SEC14L5: variants seen among roughly 807,000 people sequenced by gnomAD.
SEC14L5 encodes the protein SEC14-like protein 5.
Under a neutral mutation model 84.6 loss-of-function variants are expected in SEC14L5, and 96 were observed. The observed-to-expected ratio is 1.13, with a 90% CI of 0.96 to 1.34. SEC14L5 has a LOEUF of 1.34. SEC14L5 is among the 40% of genes most tolerant of loss of function. The pLI is 0.00. For missense variants in SEC14L5, 1,224 were observed against 942.5 expected (o/e 1.30, Z -3.91); for synonymous variants, 546 against 383.4 (o/e 1.42, Z -4.95).
chr16:5,004,018 C>G (rs1268523995), intron 11 of SEC14L5, among the ~76,000 whole-genome samples: 1 of 152,268 alleles, frequency 6.6e-6, no homozygotes, highest in Non-Finnish European at 1.5e-5. Flanking sequence ...ACACACTCCT[C>G]TGAAACAAGG....
chr16:4,990,674 C>T lies in SEC14L5; in HGVS notation c.346-93C>T, dbSNP rs867858814. ...GGCTTGATCTGCTTTCCACTGCAGGCTCTGCCTGGGCCCAGGTCAGTGGGA... is the reference window on the plus strand; with the variant it reads ...GGCTTGATCTGCTTTCCACTGCAGGTTCTGCCTGGGCCCAGGTCAGTGGGA... On this transcript the variant is annotated intron_variant, in intron 4 of 15. Coordinates refer to ENST00000251170, the MANE Select transcript of SEC14L5 (RefSeq NM_014692.2). 9.3e-6 allele frequency: 12 copies of T among 1,288,610 alleles called. No homozygotes were observed. The Middle Eastern group carries it at 8.4e-4, about 91-fold the overall frequency. 79.8% of individuals were successfully genotyped at this position (1,288,610 alleles called of 1,614,324 possible). A position where few individuals can be genotyped will look rare whatever the true frequency, so the allele number is the denominator to read the frequency against.
intron 6 of SEC14L5, 100 bp downstream of exon 6, chr16:4,992,130 TC>T (rs1200558150): frequency 1.6e-5 from 13 of 817,242 alleles, no homozygotes; most frequent in South Asian, 3.9e-5. Context: ...TTGCCTGCCG[TC>T]CCCCCTGGGA....
intron 2 of SEC14L5, among the ~76,000 whole-genome samples, chr16:4,967,763 G>C (rs1473913624): frequency 1.3e-5 from 2 of 149,844 alleles, no homozygotes; most frequent in Non-Finnish European, 3.0e-5. Context: ...AATAGAGATG[G>C]GGTTTCACCA....
chr16:4,979,156 A>G (rs1392483886), intron 2 of SEC14L5, among the ~76,000 whole-genome samples: 1 of 152,198 alleles, frequency 6.6e-6, no homozygotes, highest in Admixed American at 6.6e-5. Flanking sequence ...CTGTCTGAGG[A>G]ACAAGGGCAC....
chr16:4,980,732 A>T (rs897546470), intron 2 of SEC14L5, among the ~76,000 whole-genome samples: 10 of 152,158 alleles, frequency 6.6e-5, no homozygotes, highest in African/African-American at 2.4e-4. Flanking sequence ...AGGAAGGAGA[A>T]CTGAGGAAGA....
At chr16:4,984,222 C>A (rs1452241844) in intron 2 of SEC14L5, among the ~76,000 whole-genome samples, 3 of 152,210 alleles carry the variant, frequency 2.0e-5, no homozygotes, top group African/African-American at 7.2e-5. Flanking sequence ...CTGGCAACCA[C>A]TAATCTACTT....
At chr16:4,982,476 G>C (rs1284431616) in intron 2 of SEC14L5, among the ~76,000 whole-genome samples, 1 of 149,688 alleles carries the variant, frequency 6.7e-6, no homozygotes, top group Non-Finnish European at 1.5e-5. Flanking sequence ...CATGGGCTTG[G>C]GGGCCCCTCA....
At position 5,007,354 on chromosome 16, in the gene SEC14L5, T is replaced by C; in HGVS notation, c.1440T>C (p.Cys480=). 6.2e-7 allele frequency: 1 copy of C among 1,613,722 alleles called. No individual in the cohort carries two copies. The highest frequency in any genetic ancestry group is 8.5e-7 in the Non-Finnish European group (1 of 1,179,774). ...IPDFLGGESV[C]NVPEGGLVPK... is the part of the protein sequence containing the mutation. ...TGCCCTTTATCTCTGACCTGCAGTG[T>C]AATGTCCCCGAAGGAGGGCTGGTCC... Residue 480 remains cysteine, a splice_region_variant and synonymous_variant, in exon 13 of 16, where the codon TGT becomes TGC. Coordinates refer to ENST00000251170, the MANE Select transcript of SEC14L5 (RefSeq NM_014692.2).
intron 2 of SEC14L5, among the ~76,000 whole-genome samples, chr16:4,966,116 C>T (rs1955197192): frequency 6.6e-6 from 1 of 152,174 alleles, no homozygotes; most frequent in South Asian, 2.1e-4. Flanking sequence ...TGAAGTTCCG[C>T]CACCATGCCT....
At position 5,016,968 on chromosome 16, in the gene SEC14L5, C is replaced by T. The variant is rs1368578221; in HGVS notation, c.*1998C>T. 6.6e-6 allele frequency: 1 copy of T among 152,244 alleles called. No homozygotes were observed. The highest frequency in any genetic ancestry group is 1.5e-5 in the Non-Finnish European group (1 of 68,048). 9.4% of individuals were successfully genotyped at this position (152,244 alleles called of 1,614,324 possible). Reference sequence around the variant, plus strand: ...AGACGTTCTCAAAACTAATTGCTCCCATATCACCAGGCATTTATTGCTGAG... The same window carrying T: ...AGACGTTCTCAAAACTAATTGCTCCTATATCACCAGGCATTTATTGCTGAG... On this transcript the variant is annotated 3_prime_UTR_variant, in exon 16 of 16. Transcript: ENST00000251170.
In SEC14L5 at chr16:5,005,882, ACCAT is replaced by A. The variant is rs761472073; in HGVS notation, c.1303-26_1303-23del. ...CCGTCTCAAAAAAAAAAAAAAAAAAACCATCCATCTTGCCTTATGTCCTGGTTTC... is the reference window on the plus strand; with the variant it reads ...CCGTCTCAAAAAAAAAAAAAAAAAAACCATCTTGCCTTATGTCCTGGTTTC... On this transcript the variant is annotated intron_variant, in intron 11 of 15. Transcript: ENST00000251170. 4.0e-6 allele frequency: 6 copies of A among 1,487,930 alleles called. No homozygotes were observed. The African/African-American group carries it at 5.9e-5, about 15-fold the overall frequency. 92.2% of individuals were successfully genotyped at this position (1,487,930 alleles called of 1,614,324 possible).
At chr16:4,994,164 G>C (rs893000702) in intron 6 of SEC14L5, among the ~76,000 whole-genome samples, 1 of 152,034 alleles carries the variant, frequency 6.6e-6, no homozygotes, top group Non-Finnish European at 1.5e-5. Flanking sequence ...GATACAAATT[G>C]TATGTACACC....
chr16:5,004,660 G>T (rs924063393), intron 11 of SEC14L5, among the ~76,000 whole-genome samples: 1 of 152,118 alleles, frequency 6.6e-6, no homozygotes, highest in Admixed American at 6.5e-5. Flanking sequence ...TGGGGCTGGG[G>T]ACAGGAGAGG....
chr16:4,996,243 C>T (rs535543157), intron 6 of SEC14L5, 105 bp from the exon 7 acceptor site: 22 of 698,100 alleles, frequency 3.2e-5, no homozygotes, highest in South Asian at 2.9e-4. Flanking sequence ...TTTGGAACCA[C>T]GTTTTAGAGT....
intron 2 of SEC14L5, among the ~76,000 whole-genome samples, chr16:4,970,376 G>A (rs1296868241): frequency 6.6e-6 from 1 of 152,162 alleles, no homozygotes; most frequent in Admixed American, 6.5e-5. Context: ...GGCAGAACTT[G>A]TCTCTCAAAG....
At chr16:5,009,314 G>GT (rs560200600) in intron 14 of SEC14L5, among the ~76,000 whole-genome samples, 72 of 150,600 alleles carry the variant, frequency 4.8e-4, no homozygotes, top group Non-Finnish European at 6.4e-4. Context: ...CTTAAATCCT[G>GT]TTTTTTTTTG....
chr16:5,010,200 A>G (rs1182846292), intron 14 of SEC14L5, among the ~76,000 whole-genome samples: 1 of 147,408 alleles, frequency 6.8e-6, no homozygotes, highest in Non-Finnish European at 1.5e-5. Context: ...AAAAAAAAAA[A>G]AAAAAAAAAA....
At chr16:5,007,038 G>C (rs1315757727) in intron 12 of SEC14L5, among the ~76,000 whole-genome samples, 2 of 152,164 alleles carry the variant, frequency 1.3e-5, no homozygotes, top group African/African-American at 4.8e-5. Context: ...CGGCACCGGG[G>C]TAAAGGGACA....
chr16:4,972,386 A>C (rs906175481), intron 2 of SEC14L5, among the ~76,000 whole-genome samples: 1 of 152,232 alleles, frequency 6.6e-6, no homozygotes, highest in Non-Finnish European at 1.5e-5. Context: ...GTTCAGTGGC[A>C]TAAGTACATT....
Sources: allele counts gnomAD v4.1 joint callset (sites outside exome capture counted in the v4.1 genomes callset), GRCh38; gene constraint gnomAD v4.1.1; transcripts MANE v1.5; gene names NCBI Gene and HGNC (gene_info 2026-07-23, HGNC 2026-07-21).